The following ARHGAP32 variants were observed in gnomAD, a reference collection of about 807,000 sequenced individuals.
The protein encoded by ARHGAP32 is rho GTPase-activating protein 32.
Under a neutral mutation model 186.5 loss-of-function variants are expected in ARHGAP32, and 51 were observed. The ratio of observed to expected loss-of-function variants is 0.27; its 90% CI spans 0.22 to 0.35. ARHGAP32 has a LOEUF of 0.35. Among genes scored for constraint, ARHGAP32 ranks in the 10% least tolerant of loss-of-function variants. The pLI is 1.00. For missense variants in ARHGAP32, 2,186 were observed against 2,623.5 expected, an observed-to-expected ratio of 0.83 and a Z score of 3.64; for synonymous variants, 950 against 964.3, an observed-to-expected ratio of 0.99 and a Z score of 0.27.
chr11:128,973,237 G>A lies in ARHGAP32; in HGVS notation c.3269C>T (p.Ala1090Val), dbSNP rs376432253. 6.4e-5 allele frequency: 103 copies of A among 1,614,148 alleles called. No individual in the cohort carries two copies. The highest frequency in any genetic ancestry group is 8.4e-5 in the Non-Finnish European group (99 of 1,180,014). Residue 1090 changes from alanine to valine, a missense_variant, in exon 22 of 23, where the codon GCG becomes GTG. By Grantham distance (64) the Ala-to-Val change is moderately conservative (BLOSUM62 0). This residue lies in a region of ARHGAP32 where 1,502 missense variants were observed against 1,570.0 expected (regional missense o/e 0.96). Transcript: ENST00000682385. The part of the protein sequence containing the change: ...QAGYTNYGDI[A>V]VATTEDNLSS... The stretch of plus-strand genomic sequence containing the variant: ...CAGATTATCTTCAGTTGTAGCCACC[G>A]CTATGTCTCCATAATTTGTATACCC...
chr11:128,986,502 T>C (rs1945876433), intron 14 of ARHGAP32, 22 bp downstream of exon 14: 3 of 1,612,710 alleles, frequency 1.9e-6, no homozygotes, highest in Non-Finnish European at 2.5e-6. Flanking sequence ...AAGAATTAGA[T>C]TCAAAAGTAG....
In ARHGAP32 at chr11:129,258,922, C is replaced by T. The variant is rs535841914; in HGVS notation, c.-5+20224G>A. Among the ~76,000 whole-genome samples, 30 of 152,226 alleles carry T rather than the reference C, an allele frequency of 2.0e-4. 1 individual carries two copies. In the South Asian group the frequency reaches 6.2e-3, roughly 32 times the overall value. The stretch of plus-strand genomic sequence containing the variant: ...CCTATCAGGTACCAAGACAATACAG[C>T]TAATGAAATCATAAACTCAATCCCA... On this transcript the variant is annotated intron_variant, in intron 1 of 6. Coordinates refer to the ARHGAP32 transcript ENST00000525234.
In ARHGAP32 at chr11:128,978,688, A is replaced by G. The variant is rs981871855; in HGVS notation, c.2122+82T>C. 239 of 1,422,824 alleles carry G rather than the reference A, an allele frequency of 1.7e-4. 1 individual carries two copies. Among genetic ancestry groups the G allele is most frequent in the South Asian group, 3.0e-5 (2 of 67,638 alleles). 88.1% of individuals were successfully genotyped at this position (1,422,824 alleles called of 1,614,324 possible). A position where few individuals can be genotyped will look rare whatever the true frequency, so the allele number is the denominator to read the frequency against. On this transcript the variant is annotated intron_variant, in intron 19 of 22. Transcript: ENST00000682385. Reference sequence around the variant, plus strand: ...TGTGAACACGTTATGGAAGCAGATCATAACAATATGTGAAGAACGTGCCCA... The same window carrying G: ...TGTGAACACGTTATGGAAGCAGATCGTAACAATATGTGAAGAACGTGCCCA...
At chr11:129,226,009 T>C (rs1321887632) in intron 1 of ARHGAP32, among the ~76,000 whole-genome samples, 1 of 152,058 alleles carries the variant, frequency 6.6e-6, no homozygotes, top group African/African-American at 2.4e-5. Context: ...TCTGAGAAAA[T>C]GGAAGAAAAA....
At chr11:129,256,967 G>A (rs1945262911) in intron 1 of ARHGAP32, among the ~76,000 whole-genome samples, 1 of 152,134 alleles carries the variant, frequency 6.6e-6, no homozygotes, top group South Asian at 2.1e-4. Context: ...TTCTAGGCAG[G>A]AGGAAAGAGA....
At chr11:129,240,310 T>C (rs377436939) in intron 1 of ARHGAP32, among the ~76,000 whole-genome samples, 1 of 152,166 alleles carries the variant, frequency 6.6e-6, no homozygotes, top group African/African-American at 2.4e-5. Flanking sequence ...TTACTAGCTA[T>C]ATGACCTTGG....
At chr11:129,164,775 T>TGTGCTA (rs1279288560) in intron 1 of ARHGAP32, among the ~76,000 whole-genome samples, 1 of 152,226 alleles carries the variant, frequency 6.6e-6, no homozygotes, top group African/African-American at 2.4e-5. Flanking sequence ...TTTACAGAAC[T>TGTGCTA]GTGCTAAGCA....
chr11:129,261,880 T>C (rs1296596188), intron 1 of ARHGAP32, among the ~76,000 whole-genome samples: 8 of 152,162 alleles, frequency 5.3e-5, no homozygotes, highest in African/African-American at 1.9e-4. Context: ...CAATAGTATA[T>C]AGAAATCCCT....
chr11:129,164,827 G>A (rs749708438), intron 1 of ARHGAP32, among the ~76,000 whole-genome samples: 6 of 152,102 alleles, frequency 3.9e-5, no homozygotes, highest in East Asian at 1.9e-4. Context: ...GGTATTTCTG[G>A]TTCCAATCAA....
At chr11:129,073,663 A>G (rs766412385) in intron 6 of ARHGAP32, among the ~76,000 whole-genome samples, 1 of 152,046 alleles carries the variant, frequency 6.6e-6, no homozygotes, top group Admixed American at 6.6e-5. Flanking sequence ...AGCAAAACCA[A>G]TATTTCTAGC....
At chr11:129,231,214 A>G (rs1163669611) in intron 1 of ARHGAP32, among the ~76,000 whole-genome samples, 1 of 152,166 alleles carries the variant, frequency 6.6e-6, no homozygotes, top group Admixed American at 6.5e-5. Flanking sequence ...GCAAATATTT[A>G]CTGTTTGTTA....
chr11:129,163,615 T>C (rs1486649923), intron 2 of ARHGAP32, among the ~76,000 whole-genome samples: 2 of 152,152 alleles, frequency 1.3e-5, no homozygotes, highest in African/African-American at 2.4e-5. Context: ...ATTCTCACCA[T>C]ATGTGCTATC....
At chr11:129,139,356 TCAA>T (rs945325821) in intron 2 of ARHGAP32, among the ~76,000 whole-genome samples, 16 of 152,210 alleles carry the variant, frequency 1.1e-4, no homozygotes, top group Non-Finnish European at 1.8e-4. Flanking sequence ...TCATTTAACA[TCAA>T]CAACAACAGA....
chr11:129,064,168 T>A, intron 8 of ARHGAP32, 144 bp from the exon 9 acceptor site: 22 of 669,516 alleles, frequency 3.3e-5, no homozygotes, highest in Non-Finnish European at 4.9e-5. Context: ...TACTGGGTAG[T>A]AAAAATATGC....
chr11:128,972,668 T>A lies in ARHGAP32; in HGVS notation c.3838A>T (p.Thr1280Ser), dbSNP rs765544275. The change falls in exon 22 of 23, where the codon ACT becomes TCT. Residue 1280 changes from threonine (T) to serine (S), a missense_variant. Transcript: ENST00000682385. ...CTCATTTGGGCTGTTGCTGGAGTAG[T>A]TGTCATGTAAGTCATGGTGGCTGTG... ...TSTATMTYMT[T>S]TPATAQMSTK... 2 of 1,614,034 alleles carry A rather than the reference T, an allele frequency of 1.2e-6. No individual in the cohort carries two copies. The highest frequency in any genetic ancestry group is 1.7e-6 in the Non-Finnish European group (2 of 1,179,980).
chr11:129,015,443 C>T lies in ARHGAP32; in HGVS notation c.1046-16975G>A, dbSNP rs974025732. On this transcript the variant is annotated intron_variant, in intron 11 of 22. Coordinates refer to ENST00000682385, the MANE Select transcript of ARHGAP32 (RefSeq NM_001378024.1). Reference sequence around the variant, plus strand: ...GATAAATATCCATGTCCTCATCATGCAGGTTTTTCAAATCTTAACATTGTG... The same window carrying T: ...GATAAATATCCATGTCCTCATCATGTAGGTTTTTCAAATCTTAACATTGTG... Among the ~76,000 whole-genome samples, 4 of 152,278 alleles carry T rather than the reference C, an allele frequency of 2.6e-5. No homozygotes were observed. The South Asian group carries it at 8.3e-4, about 32-fold the overall frequency.
intron 22 of ARHGAP32, 48 bp downstream of exon 22, chr11:128,972,405 C>T: frequency 1.3e-6 from 2 of 1,487,672 alleles, no homozygotes; most frequent in Non-Finnish European, 1.8e-6. Flanking sequence ...AAGTGACATA[C>T]CTTTGGTAAT....
intron 1 of ARHGAP32, among the ~76,000 whole-genome samples, chr11:129,206,318 C>A (rs1225066579): frequency 6.6e-6 from 1 of 152,064 alleles, no homozygotes; most frequent in Non-Finnish European, 1.5e-5. Context: ...CTTAAGGGAT[C>A]CTTCTGCCTC....
At chr11:129,020,070 G>A (rs547324160) in intron 11 of ARHGAP32, among the ~76,000 whole-genome samples, 78 of 152,104 alleles carry the variant, frequency 5.1e-4, no homozygotes, top group Admixed American at 9.8e-4. Flanking sequence ...AGTACTCTGA[G>A]AATGTATGAA....
Sources: gnomAD v4.1 joint callset for allele counts (sites outside exome capture counted in the v4.1 genomes callset) on GRCh38, gnomAD v4.1.1 for gene constraint, gnomAD v4.1.1 regional missense constraint, MANE v1.5 for transcripts, NCBI Gene and HGNC (gene_info 2026-07-23, HGNC 2026-07-21) for gene names.